EAPP: variants seen among roughly 807,000 people sequenced by gnomAD.
The protein encoded by EAPP is E2F associated phosphoprotein.
Under a neutral mutation model 34.3 loss-of-function variants are expected in EAPP, and 38 were observed. That is an observed-to-expected ratio of 1.11 (90% CI 0.85 to 1.45). The LOEUF is 1.45. Among genes scored for constraint, EAPP ranks in the 40% most tolerant of loss-of-function variants. The pLI is 0.00. For missense variants in EAPP, 338 were observed against 343.7 expected (o/e 0.98, Z 0.13); for synonymous variants, 113 against 117.6 (o/e 0.96, Z 0.25).
intron 4 of EAPP, among the ~76,000 whole-genome samples, chr14:34,525,493 A>G (rs555274672): frequency 6.6e-6 from 1 of 152,244 alleles, no homozygotes; most frequent in Admixed American, 6.5e-5. Context: ...ATGAGAAAAA[A>G]CAACAGACAA....
chr14:34,538,315 G>A (rs1246157899), intron 1 of EAPP, among the ~76,000 whole-genome samples: 5 of 152,166 alleles, frequency 3.3e-5, no homozygotes, highest in African/African-American at 1.2e-4. Context: ...GGAGGTGGAG[G>A]CTACAGTGAG....
At chr14:34,530,862 T>A (rs1880260392) in intron 3 of EAPP, among the ~76,000 whole-genome samples, 1 of 127,926 alleles carries the variant, frequency 7.8e-6, no homozygotes, top group South Asian at 2.3e-4. Context: ...AAGCCAGGAA[T>A]TTGACACCAG....
At chr14:34,534,768 AATGCAGG>A (rs1418635973) in intron 2 of EAPP, among the ~76,000 whole-genome samples, 1 of 152,102 alleles carries the variant, frequency 6.6e-6, no homozygotes, top group African/African-American at 2.4e-5. Context: ...TTGGGAGGCC[AATGCAGG>A]AAGATCACTT....
rs374408694 is a variant in EAPP at position 34,529,381 on chromosome 14, G to C, written c.447C>G (p.Ala149=). The C allele has an allele frequency of 1.9e-6, 3 of 1,611,884 alleles. No individual in the cohort carries two copies. The highest frequency in any genetic ancestry group is 2.5e-6 in the Non-Finnish European group (3 of 1,178,576). The change falls in exon 4 of 6, where the codon GCC becomes GCG. Residue 149 remains alanine (A), a synonymous_variant. Transcript: ENST00000250454. ...YDPEKDNRDQ[A]WVDAQRRGYH... is the part of the protein sequence containing the mutation. The stretch of plus-strand genomic sequence containing the variant: ...ACCCCCTTCTCTGTGCATCAACCCA[G>C]GCCTGATCTCTGTTATCTTTTTCAG...
chr14:34,526,180 C>CA (rs1880089865), intron 4 of EAPP, among the ~76,000 whole-genome samples: 1 of 152,060 alleles, frequency 6.6e-6, no homozygotes, highest in Admixed American at 6.6e-5. Context: ...CCTGTAATCC[C>CA]AGCACTTTGG....
chr14:34,528,779 GT>G (rs770147443), intron 4 of EAPP, among the ~76,000 whole-genome samples: 3 of 151,662 alleles, frequency 2.0e-5, no homozygotes, highest in Non-Finnish European at 4.4e-5. Context: ...AAAAAAGTCA[GT>G]TTTTCTTGAG....
intron 4 of EAPP, 95 bp from the exon 5 acceptor site, chr14:34,524,902 G>C (rs1880046988): frequency 5.6e-6 from 5 of 894,588 alleles, no homozygotes; most frequent in Non-Finnish European, 8.9e-6. Context: ...GTACTATTCA[G>C]AGAAATGGCT....
intron 3 of EAPP, among the ~76,000 whole-genome samples, chr14:34,530,967 A>G (rs114347199): frequency 0.02 from 2,847 of 144,058 alleles, 92 homozygotes; most frequent in African/African-American, 0.066. Flanking sequence ...AAAAAAAGAG[A>G]AAAAAAAAAA....
At chr14:34,534,663 A>G (rs1390904019) in intron 2 of EAPP, among the ~76,000 whole-genome samples, 1 of 152,068 alleles carries the variant, frequency 6.6e-6, no homozygotes. Context: ...TTATGCAAGT[A>G]AACAGTATTA....
intron 4 of EAPP, 63 bp from the exon 5 acceptor site, chr14:34,524,870 C>A: frequency 2.3e-6 from 3 of 1,310,836 alleles, no homozygotes; most frequent in Non-Finnish European, 3.3e-6. Context: ...TTTCTAGTGT[C>A]ATTTTCCAAT....
chr14:34,524,653 A>ATGTGTGTG (rs111420332), intron 5 of EAPP, 44 bp downstream of exon 5: 44,846 of 847,834 alleles, frequency 0.053, 339 homozygotes, highest in Middle Eastern at 0.062. Context: ...TAAACAAAAT[A>ATGTGTGTG]TGTATGTGTG....
chr14:34,516,334 G>GA lies in EAPP; in HGVS notation c.833dup (p.Asn279GlnfsTer15). ...TTTAGGAATGGCTTGCTAAAACATTGAAAAAATGAAAGACTTCATCCTTGT... is the reference window on the plus strand; with the variant it reads ...TTTAGGAATGGCTTGCTAAAACATTGAAAAAAATGAAAGACTTCATCCTTGT... On this transcript the variant is annotated frameshift_variant, in exon 6 of 6. Transcript: ENST00000250454. LOFTEE classifies it high-confidence loss of function. The GA allele has an allele frequency of 6.2e-7, 1 of 1,612,462 alleles. No homozygotes were observed. Among genetic ancestry groups the GA allele is most frequent in the Non-Finnish European group, 8.5e-7 (1 of 1,179,058 alleles).
chr14:34,534,532 C>T (rs969132783), intron 2 of EAPP, among the ~76,000 whole-genome samples: 18 of 152,032 alleles, frequency 1.2e-4, no homozygotes, highest in African/African-American at 4.3e-4. Context: ...TAAAGTGAAA[C>T]AGAAATTTGT....
intron 4 of EAPP, among the ~76,000 whole-genome samples, chr14:34,526,168 C>T (rs575395015): frequency 5.3e-5 from 8 of 152,188 alleles, no homozygotes; most frequent in East Asian, 3.9e-4. Context: ...TGGTGGCTCA[C>T]GCCTGTAATC....
chr14:34,518,586 C>G (rs539558890), intron 5 of EAPP, among the ~76,000 whole-genome samples: 81 of 152,236 alleles, frequency 5.3e-4, no homozygotes, highest in Non-Finnish European at 9.7e-4. Context: ...CAACCTCGGC[C>G]TCCTGAAGTG....
intron 5 of EAPP, among the ~76,000 whole-genome samples, chr14:34,521,760 G>A (rs191445129): frequency 1.8e-3 from 273 of 150,916 alleles, no homozygotes; most frequent in African/African-American, 6.3e-3. Flanking sequence ...TCAGCCTCCC[G>A]AGTAGCTGGG....
At chr14:34,523,758 G>A (rs2138889391) in intron 5 of EAPP, among the ~76,000 whole-genome samples, 1 of 151,988 alleles carries the variant, frequency 6.6e-6, no homozygotes, top group South Asian at 2.1e-4. Context: ...TGCCTAGGCT[G>A]GTCTCAAACT....
intron 3 of EAPP, among the ~76,000 whole-genome samples, chr14:34,530,058 G>A (rs750655591): frequency 1.3e-5 from 2 of 151,798 alleles, no homozygotes; most frequent in Non-Finnish European, 2.9e-5. Context: ...AAATTAGCCA[G>A]GCGTGGTGGC....
chr14:34,533,393 A>G, intron 3 of EAPP, 51 bp downstream of exon 3: 1 of 1,444,416 alleles, frequency 6.9e-7, no homozygotes, highest in Non-Finnish European at 9.7e-7. Context: ...ATTGTTAGGT[A>G]AACCTTTTTT....
Sources: gnomAD v4.1 joint callset for allele counts (sites outside exome capture counted in the v4.1 genomes callset) on GRCh38, gnomAD v4.1.1 for gene constraint, MANE v1.5 for transcripts, NCBI Gene and HGNC (gene_info 2026-07-23, HGNC 2026-07-21) for gene names.